C1QTNF1: variants seen among roughly 807,000 people sequenced by gnomAD.
The protein encoded by C1QTNF1 is C1q and TNF related 1.
In C1QTNF1, 22 loss-of-function variants were observed where a neutral mutation model predicts 27.8. The observed-to-expected ratio is 0.79, with a 90% CI of 0.56 to 1.13. C1QTNF1 has a LOEUF of 1.13. Ranked by LOEUF, C1QTNF1 falls within the 50% of genes most tolerant of loss-of-function variation. The probability of loss-of-function intolerance (pLI) is 0.00; values close to 1 mark genes in which losing one functional copy is unlikely to be tolerated. For synonymous variants in C1QTNF1, 166 were observed against 154.3 expected (o/e 1.08, Z -0.56); for missense variants, 373 against 380.2 (o/e 0.98, Z 0.16).
At chr17:79,039,375 C>T (rs922527994) in intron 1 of C1QTNF1, among the ~76,000 whole-genome samples, 6 of 152,160 alleles carry the variant, frequency 3.9e-5, no homozygotes, top group Non-Finnish European at 5.9e-5. Flanking sequence ...GGTTGGCTGG[C>T]GCGGTGGCAA....
At chr17:79,026,905 T>C (rs1380467339) in intron 1 of C1QTNF1, among the ~76,000 whole-genome samples, 1 of 152,266 alleles carries the variant, frequency 6.6e-6, no homozygotes, top group Non-Finnish European at 1.5e-5. Context: ...TGCTCCTTTC[T>C]GTTCTTCTTC....
Position 79,046,653 on chromosome 17 carries a change from C to T in C1QTNF1, c.254C>T (p.Pro85Leu), listed in dbSNP as rs148307780. ...RCCDPGTSMYPATAVPQINIT... is the reference protein window; with the variant it reads ...RCCDPGTSMYLATAVPQINIT... ...TGTGACCCCGGTACCTCCATGTACCCGGCGACCGCCGTGCCCCAGATCAAC... is the reference window on the plus strand; with the variant it reads ...TGTGACCCCGGTACCTCCATGTACCTGGCGACCGCCGTGCCCCAGATCAAC... Residue 85 changes from proline to leucine, a missense_variant, in exon 3 of 4, where the codon CCG becomes CTG. By Grantham distance (98) the Pro-to-Leu change is moderately conservative (BLOSUM62 -3). Coordinates refer to ENST00000579760, the MANE Select transcript of C1QTNF1 (RefSeq NM_030968.5). This position sits in a 1 kb window ranked among gnomAD's most constrained non-coding sequence, Gnocchi z 4.8. 5.4e-5 allele frequency: 87 copies of T among 1,614,092 alleles called. No individual in the cohort carries two copies. The highest frequency in any genetic ancestry group is 4.7e-4 in the African/African-American group (35 of 74,936).
chr17:79,038,409 T>C (rs528635533), intron 1 of C1QTNF1, among the ~76,000 whole-genome samples: 30 of 152,120 alleles, frequency 2.0e-4, no homozygotes, highest in Non-Finnish European at 4.4e-4. Flanking sequence ...TGTGTTCTTG[T>C]TGGGGAGAAG....
intron 1 of C1QTNF1, among the ~76,000 whole-genome samples, chr17:79,042,837 G>T (rs1391599598): frequency 6.6e-6 from 1 of 152,260 alleles, no homozygotes; most frequent in African/African-American, 2.4e-5. Flanking sequence ...GCGCACATGT[G>T]AAGGTGTGTG....
intron 2 of C1QTNF1, among the ~76,000 whole-genome samples, chr17:79,045,383 G>C (rs1254912332): frequency 6.6e-6 from 1 of 152,166 alleles, no homozygotes; most frequent in East Asian, 1.9e-4. Flanking sequence ...ATCCTACAAA[G>C]AACAAGAGGA....
chr17:79,024,718 G>T (rs2071881435), intron 1 of C1QTNF1: 1 of 152,342 alleles, frequency 6.6e-6, no homozygotes, highest in Non-Finnish European at 1.5e-5. Context: ...CCTTTGCGCG[G>T]GGGTCATAAT....
At chr17:79,032,847 G>A (rs1347857538) in intron 1 of C1QTNF1, among the ~76,000 whole-genome samples, 2 of 151,996 alleles carry the variant, frequency 1.3e-5, no homozygotes, top group East Asian at 1.9e-4. Flanking sequence ...CGGGTGGATC[G>A]CTTTGAGGTT....
At chr17:79,035,915 C>A (rs2072255363) in intron 1 of C1QTNF1, among the ~76,000 whole-genome samples, 1 of 152,196 alleles carries the variant, frequency 6.6e-6, no homozygotes, top group Non-Finnish European at 1.5e-5. Flanking sequence ...TGGAGGGCAT[C>A]TGATACAGGC....
intron 1 of C1QTNF1, among the ~76,000 whole-genome samples, chr17:79,032,794 C>T (rs914787538): frequency 2.6e-5 from 4 of 152,194 alleles, no homozygotes; most frequent in South Asian, 2.1e-4. Context: ...CAGCCTGGTG[C>T]GGTGGCTCAC....
chr17:79,023,704 G>GCGCGCGCACACACA (rs1267428917), upstream of C1QTNF1, among the ~76,000 whole-genome samples: 4,322 of 144,880 alleles, frequency 0.03, 57 homozygotes, highest in East Asian at 0.06. Context: ...GCGCGCGCGC[G>GCGCGCGCACACACA]CACACACACA....
chr17:79,037,630 G>A (rs2072294616), intron 1 of C1QTNF1, among the ~76,000 whole-genome samples: 1 of 152,074 alleles, frequency 6.6e-6, no homozygotes, highest in Non-Finnish European at 1.5e-5. Context: ...CTCCTTAAAG[G>A]ACCTACCACA....
At chr17:79,042,921 T>A (rs1377181859) in intron 1 of C1QTNF1, among the ~76,000 whole-genome samples, 1 of 152,152 alleles carries the variant, frequency 6.6e-6, no homozygotes, top group African/African-American at 2.4e-5. Context: ...GGCGTGCACG[T>A]GAGTGTGCAT....
chr17:79,030,485 T>TTTTTTCTTTC (rs2072103058), intron 1 of C1QTNF1, among the ~76,000 whole-genome samples: 1 of 121,804 alleles, frequency 8.2e-6, no homozygotes, highest in African/African-American at 3.7e-5. Flanking sequence ...CTTTCTTTCT[T>TTTTTTCTTTC]TTTCTTTCTT....
chr17:79,045,524 A>G (rs924538034), intron 2 of C1QTNF1, among the ~76,000 whole-genome samples: 6 of 152,172 alleles, frequency 3.9e-5, no homozygotes, highest in African/African-American at 1.4e-4. Flanking sequence ...ATCAGAGATG[A>G]TGAGGGCCCT....
At position 79,049,727 on chromosome 17, in the gene C1QTNF1, C is replaced by T. The variant is rs1282939035; in HGVS notation, c.*1639C>T. On this transcript the variant is annotated 3_prime_UTR_variant, in exon 4 of 4. Coordinates refer to ENST00000579760, the MANE Select transcript of C1QTNF1 (RefSeq NM_030968.5). The surrounding 1 kb of genome is among the most constrained non-coding windows in gnomAD (Gnocchi z 4.4). ...GTGCCCGGAAGCAGAGCGCCACACT[C>T]GCTGCTTAAGCTCCCCCAGCTCTTT... The T allele has an allele frequency of 1.3e-5, 2 of 152,284 alleles. No homozygotes were observed. The highest frequency in any genetic ancestry group is 2.4e-5 in the African/African-American group (1 of 41,472). The allele number at this position is 152,284 out of a possible 1,614,324, so 9.4% of individuals were successfully genotyped here.
At chr17:79,035,810 G>A (rs1377462082) in intron 1 of C1QTNF1, among the ~76,000 whole-genome samples, 1 of 152,178 alleles carries the variant, frequency 6.6e-6, no homozygotes, top group Non-Finnish European at 1.5e-5. Context: ...GGAGATGAAT[G>A]TAAACTGGGG....
chr17:79,046,586 A>C lies in C1QTNF1; in HGVS notation c.187A>C (p.Ser63Arg), dbSNP rs1264087099. Residue 63 changes from serine to arginine, a missense_variant, in exon 3 of 4, where the codon AGT becomes CGT. By Grantham distance (110) the Ser-to-Arg change is moderately radical. Transcript: ENST00000579760. This position sits in a 1 kb window ranked among gnomAD's most constrained non-coding sequence, Gnocchi z 4.8. ...AGAACAACATGAAAAATACAGGCCC[A>C]GTCAGGACCAGGGGCTCCCTGCTTC... The part of the protein sequence containing the change: ...AEEQHEKYRP[S>R]QDQGLPASRC... 6.2e-7 allele frequency: 1 copy of C among 1,614,100 alleles called. No individual in the cohort carries two copies. The highest frequency in any genetic ancestry group is 1.1e-5 in the South Asian group (1 of 91,090).
intron 1 of C1QTNF1, among the ~76,000 whole-genome samples, chr17:79,026,398 C>G (rs2071961410): frequency 6.6e-6 from 1 of 152,198 alleles, no homozygotes; most frequent in African/African-American, 2.4e-5. Context: ...AAGTGATCCA[C>G]CCGCTTCAAC....
chr17:79,045,103 G>C (rs185914787), intron 2 of C1QTNF1, among the ~76,000 whole-genome samples: 292 of 152,262 alleles, frequency 1.9e-3, no homozygotes, highest in African/African-American at 6.8e-3. Flanking sequence ...TGGAGGCAGG[G>C]CCAGGAGAGG....
Sources: allele counts gnomAD v4.1 joint callset (sites outside exome capture counted in the v4.1 genomes callset), GRCh38; gene constraint gnomAD v4.1.1; non-coding constraint Gnocchi (gnomAD v3.1); transcripts MANE v1.5; gene names NCBI Gene and HGNC (gene_info 2026-07-23, HGNC 2026-07-21).